MYOCD: variants seen among roughly 807,000 people sequenced by gnomAD.
MYOCD encodes myocardin.
MYOCD carries 32 observed loss-of-function variants against 96.1 expected under a neutral mutation model. The ratio of observed to expected loss-of-function variants is 0.33; its 90% CI spans 0.25 to 0.45. The LOEUF is 0.45. Among genes scored for constraint, MYOCD ranks in the 20% least tolerant of loss-of-function variants. MYOCD has a pLI of 1.00. For synonymous variants in MYOCD, 469 were observed against 469.0 expected (o/e 1.00, Z 0.00); for missense variants, 1,133 against 1,200.6 (o/e 0.94, Z 0.83).
intron 2 of MYOCD, among the ~76,000 whole-genome samples, chr17:12,713,805 C>T (rs563613094): frequency 3.3e-4 from 50 of 152,124 alleles, no homozygotes; most frequent in Non-Finnish European, 6.3e-4. Flanking sequence ...CCAGACCCAA[C>T]TCAAAGAAAA....
intron 1 of MYOCD, among the ~76,000 whole-genome samples, chr17:12,688,952 T>G (rs2030301045): frequency 6.6e-6 from 1 of 152,204 alleles, no homozygotes; most frequent in South Asian, 2.1e-4. Flanking sequence ...TTAACTAATG[T>G]GAATTAATTA....
intron 5 of MYOCD, among the ~76,000 whole-genome samples, chr17:12,727,505 G>A (rs764409185): frequency 6.6e-6 from 1 of 152,098 alleles, no homozygotes; most frequent in Non-Finnish European, 1.5e-5. Flanking sequence ...CCTTGGTTGT[G>A]GTTGCACTGT....
intron 5 of MYOCD, among the ~76,000 whole-genome samples, chr17:12,734,163 G>A (rs1041807092): frequency 6.6e-6 from 1 of 152,172 alleles, no homozygotes; most frequent in Non-Finnish European, 1.5e-5. Context: ...CATCTGGGAG[G>A]TGATACCCTG....
chr17:12,722,854 T>G lies in MYOCD; in HGVS notation c.261T>G (p.Thr87=), dbSNP rs762939586. Residue 87 remains threonine, a synonymous_variant, in exon 5 of 14, where the codon ACT becomes ACG. Transcript: ENST00000425538. ...TTCATTTCAACCCTTTAGCTTCCAC[T>G]GCAGAGAGGTCCATTCCAACTGCTC... ...LVNMHILQAS[T]AERSIPTAQM... 2.5e-6 allele frequency: 4 copies of G among 1,612,464 alleles called. No homozygotes were observed. The South Asian group carries it at 3.3e-5, about 13-fold the overall frequency.
In MYOCD at chr17:12,767,591, A is replaced by G. The variant is rs2033374170; in HGVS notation, c.*3947A>G. The G allele has an allele frequency of 6.6e-6, 1 of 151,936 alleles. No homozygotes were observed. Among genetic ancestry groups the G allele is most frequent in the Admixed American group, 6.6e-5 (1 of 15,252 alleles). 9.4% of individuals were successfully genotyped at this position (151,936 alleles called of 1,614,324 possible). A position where few individuals can be genotyped will look rare whatever the true frequency, so the allele number is the denominator to read the frequency against. ...AAGAATCTCCCAGTCCTCAAACTAGAAACCTTTCAGCTACGATGAAAAAAA... is the reference window on the plus strand; with the variant it reads ...AAGAATCTCCCAGTCCTCAAACTAGGAACCTTTCAGCTACGATGAAAAAAA... On this transcript the variant is annotated 3_prime_UTR_variant, in exon 14 of 14. Coordinates refer to ENST00000425538, the MANE Select transcript of MYOCD (RefSeq NM_001146312.3).
chr17:12,742,456 C>G (rs2032539575), intron 7 of MYOCD, among the ~76,000 whole-genome samples: 1 of 152,166 alleles, frequency 6.6e-6, no homozygotes, highest in Non-Finnish European at 1.5e-5. Flanking sequence ...GCCCCCTCTT[C>G]TGGACACCGG....
Position 12,719,174 on chromosome 17 carries a change from C to CAAAAAAAAAAA in MYOCD, c.253+1773_253+1783dup, listed in dbSNP as rs71144920. On this transcript the variant is annotated intron_variant, in intron 4 of 13. Transcript: ENST00000425538. ...GGGGCCACAGAGGGAGACTCTGTCT[C>CAAAAAAAAAAA]AAAAAAAAAAAAAAAAAAAAAAAAA... Among the ~76,000 whole-genome samples the CAAAAAAAAAAA allele has an allele frequency of 8.1e-3, 400 of 49,158 alleles. 40 individuals carry two copies. The highest frequency in any genetic ancestry group is 9.2e-3 in the East Asian group (10 of 1,082). The allele number at this position is 49,158 out of a possible 152,430, so 32.2% of individuals were successfully genotyped here. A position where few individuals can be genotyped will look rare whatever the true frequency, so the allele number is the denominator to read the frequency against.
At chr17:12,759,525 A>G (rs1597817221) in intron 12 of MYOCD, among the ~76,000 whole-genome samples, 1 of 152,096 alleles carries the variant, frequency 6.6e-6, no homozygotes, top group South Asian at 2.1e-4. Flanking sequence ...ACCGATACCT[A>G]TGTTTATTGA....
intron 13 of MYOCD, chr17:12,761,841 T>A (rs1478679692): frequency 6.6e-6 from 1 of 152,414 alleles, no homozygotes; most frequent in East Asian, 1.9e-4. Flanking sequence ...GCCAGGATGG[T>A]CTCAATCTCT....
chr17:12,689,066 A>G (rs561842560), intron 1 of MYOCD, among the ~76,000 whole-genome samples: 3 of 152,036 alleles, frequency 2.0e-5, no homozygotes, highest in African/African-American at 7.2e-5. Context: ...TATCTTTTCT[A>G]TTTCTTCTTC....
chr17:12,668,323 C>A (rs1203521093), intron 1 of MYOCD, among the ~76,000 whole-genome samples: 2 of 152,132 alleles, frequency 1.3e-5, no homozygotes, highest in African/African-American at 2.4e-5. Flanking sequence ...TATCTCACTG[C>A]GAATATTTGC....
In MYOCD at chr17:12,685,857, A is replaced by G. The variant is rs529904499; in HGVS notation, c.56-19271A>G. Among the ~76,000 whole-genome samples the G allele has an allele frequency of 2.1e-4, 32 of 152,342 alleles. No individual in the cohort carries two copies. The South Asian group carries it at 6.4e-3, about 31-fold the overall frequency. On this transcript the variant is annotated intron_variant, in intron 1 of 13. Coordinates refer to ENST00000425538, the MANE Select transcript of MYOCD (RefSeq NM_001146312.3). ...GTCTAGAGGGACCTCAACAAATAGCAAGGAATTGTTCAATACTATTTGAGA... is the reference window on the plus strand; with the variant it reads ...GTCTAGAGGGACCTCAACAAATAGCGAGGAATTGTTCAATACTATTTGAGA...
Position 12,768,841 on chromosome 17 carries a change from G to A in MYOCD, c.*5197G>A, listed in dbSNP as rs550445970. ...AATCAGAAAGAAATGTGGGTTATTG[G>A]GAAGAGACAAAAAGCAGTGGCTAAA... On this transcript the variant is annotated 3_prime_UTR_variant, in exon 14 of 14. Coordinates refer to ENST00000425538, the MANE Select transcript of MYOCD (RefSeq NM_001146312.3). 1 of 151,054 alleles carries A rather than the reference G, an allele frequency of 6.6e-6. No homozygotes were observed. Among genetic ancestry groups the A allele is most frequent in the East Asian group, 1.9e-4 (1 of 5,150 alleles). 9.4% of individuals were successfully genotyped at this position (151,054 alleles called of 1,614,324 possible). A position where few individuals can be genotyped will look rare whatever the true frequency, so the allele number is the denominator to read the frequency against.
Position 12,763,127 on chromosome 17 carries a change from T to C in MYOCD, c.2444T>C (p.Ile815Thr), listed in dbSNP as rs373318115. ...DHSCLQKVPK[I>T]PRSSRSPTAV... ...TCATGTCTTCAAAAAGTCCCAAAGA[T>C]ACCCAGATCTTCCCGAAGTCCAACT... Residue 815 changes from isoleucine (I) to threonine (T), a missense_variant, in exon 14 of 14, where the codon ATA (isoleucine) becomes ACA (threonine). Transcript: ENST00000425538. 9.3e-6 allele frequency: 15 copies of C among 1,613,926 alleles called. No individual in the cohort carries two copies. In the African/African-American group the frequency reaches 1.6e-4, roughly 17 times the overall value.
intron 10 of MYOCD, among the ~76,000 whole-genome samples, chr17:12,755,168 G>C (rs2032975515): frequency 6.6e-6 from 1 of 152,194 alleles, no homozygotes; most frequent in African/African-American, 2.4e-5. Flanking sequence ...TATTGAGTGT[G>C]TAGTGTCCTG....
At chr17:12,758,984 G>A (rs921844770) in intron 12 of MYOCD, among the ~76,000 whole-genome samples, 2 of 151,946 alleles carry the variant, frequency 1.3e-5, no homozygotes, top group African/African-American at 2.4e-5. Context: ...GGGAGGTGGA[G>A]TTGCAGTGAG....
intron 1 of MYOCD, 66 bp downstream of exon 1, chr17:12,666,309 T>C: frequency 1.7e-6 from 2 of 1,172,266 alleles, no homozygotes; most frequent in Non-Finnish European, 2.6e-6. Context: ...ACTCTAGAAC[T>C]GCTTTCCAAT....
In MYOCD at chr17:12,739,306, T is replaced by C. The variant is rs200211655; in HGVS notation, c.695T>C (p.Ile232Thr). 1.2e-6 allele frequency: 2 copies of C among 1,604,604 alleles called. No homozygotes were observed. Among genetic ancestry groups the C allele is most frequent in the South Asian group, 1.1e-5 (1 of 89,138 alleles). ...KQGLGPPSTPIAVHAAVKSKS... is the reference protein window; with the variant it reads ...KQGLGPPSTPTAVHAAVKSKS... ...GGGCTTGGCCCCCCCAGCACCCCCATAGCCGTGCATGCTGCTGTAAAGGTA... is the reference window on the plus strand; with the variant it reads ...GGGCTTGGCCCCCCCAGCACCCCCACAGCCGTGCATGCTGCTGTAAAGGTA... The change falls in exon 7 of 14, where the codon ATA becomes ACA. Residue 232 changes from isoleucine (I) to threonine (T), a missense_variant. Coordinates refer to ENST00000425538, the MANE Select transcript of MYOCD (RefSeq NM_001146312.3).
At chr17:12,722,235 T>A (rs2150689906) in intron 4 of MYOCD, among the ~76,000 whole-genome samples, 1 of 152,322 alleles carries the variant, frequency 6.6e-6, no homozygotes, top group Non-Finnish European at 1.5e-5. Flanking sequence ...GTGTCAGCTG[T>A]ATCGAAGTGG....
Sources: allele counts gnomAD v4.1 joint callset (sites outside exome capture counted in the v4.1 genomes callset), GRCh38; gene constraint gnomAD v4.1.1; transcripts MANE v1.5; gene names NCBI Gene and HGNC (gene_info 2026-07-23, HGNC 2026-07-21).